The following KYAT1 variants were observed in gnomAD, a reference collection of about 807,000 sequenced individuals.
KYAT1 encodes kynurenine aminotransferase 1, also known as kynurenine--oxoglutarate transaminase 1.
KYAT1 carries 47 observed loss-of-function variants against 52.4 expected under a neutral mutation model. The ratio of observed to expected loss-of-function variants is 0.90; its 90% CI spans 0.71 to 1.14. KYAT1 has a LOEUF of 1.14. Ranked by LOEUF, KYAT1 falls within the 50% of genes most tolerant of loss-of-function variation. The pLI is 0.00. For missense variants in KYAT1, 480 were observed against 557.9 expected, an observed-to-expected ratio of 0.86 and a Z score of 1.41; for synonymous variants, 212 against 209.6, an observed-to-expected ratio of 1.01 and a Z score of -0.10.
At chr9:128,846,744 G>A (rs1447880175) in intron 1 of KYAT1, 1 of 1,535,562 alleles carries the variant, frequency 6.5e-7, no homozygotes, top group South Asian at 1.2e-5. Flanking sequence ...TTCAGCAGCA[G>A]GGACCTCACA....
intron 1 of KYAT1, among the ~76,000 whole-genome samples, chr9:128,865,379 T>TTG (rs1836225151): frequency 1.1e-5 from 1 of 93,472 alleles, no homozygotes; most frequent in African/African-American, 5.3e-5. Flanking sequence ...TTTTTTTTTT[T>TTG]GAGACAGAGT....
At chr9:128,837,560 G>A (rs1831339081) in intron 6 of KYAT1, 125 bp downstream of exon 6, 8 of 1,125,090 alleles carry the variant, frequency 7.1e-6, no homozygotes, top group Non-Finnish European at 9.0e-6. Flanking sequence ...GGTCCTCAGT[G>A]CTCATTGTGT....
chr9:128,836,086 G>C lies in KYAT1; in HGVS notation c.689-13C>G, dbSNP rs568891585. 13 of 1,612,770 alleles carry C rather than the reference G, an allele frequency of 8.1e-6. No individual in the cohort carries two copies. In the African/African-American group the frequency reaches 1.7e-4, roughly 22 times the overall value. ...CCAGGGAGGCTGGCTGCCCAAGGCC[G>C]AACAGAACAGCTGCTGAGACTGGGG... On this transcript the variant is annotated splice_polypyrimidine_tract_variant and intron_variant, in intron 7 of 12. Coordinates refer to ENST00000302586, the MANE Select transcript of KYAT1 (RefSeq NM_004059.5).
chr9:128,861,075 G>A (rs546121075), intron 1 of KYAT1, among the ~76,000 whole-genome samples: 1 of 152,234 alleles, frequency 6.6e-6, no homozygotes, highest in Non-Finnish European at 1.5e-5. Flanking sequence ...CTTGGTGCAA[G>A]GTTCTCACAA....
chr9:128,845,914 T>G (rs570368399), intron 1 of KYAT1, among the ~76,000 whole-genome samples: 1 of 151,988 alleles, frequency 6.6e-6, no homozygotes, highest in African/African-American at 2.4e-5. Flanking sequence ...AAACAGAAGG[T>G]GGAAAACAGA....
chr9:128,869,059 C>A (rs1427291316), intron 1 of KYAT1, among the ~76,000 whole-genome samples: 1 of 151,794 alleles, frequency 6.6e-6, no homozygotes, highest in African/African-American at 2.4e-5. Context: ...AGGCTGGTCT[C>A]AAATTTCTGG....
intron 1 of KYAT1, among the ~76,000 whole-genome samples, chr9:128,871,181 G>A (rs1012279738): frequency 2.6e-5 from 4 of 152,066 alleles, no homozygotes; most frequent in Non-Finnish European, 5.9e-5. Context: ...AGCTGGCCAC[G>A]GTGGTACGTG....
intron 3 of KYAT1, among the ~76,000 whole-genome samples, chr9:128,841,407 GCAGGAGAATGGCTTGAACC>G (rs775745745): frequency 1.4e-4 from 22 of 152,262 alleles, no homozygotes; most frequent in Middle Eastern, 3.4e-3. Flanking sequence ...AGAGGCTGAG[GCAGGAGAATGGCTTGAACC>G]CAGGAGGCGG....
intron 2 of KYAT1, among the ~76,000 whole-genome samples, chr9:128,843,137 A>G (rs1331232791): frequency 6.6e-6 from 1 of 152,254 alleles, no homozygotes; most frequent in Non-Finnish European, 1.5e-5. Context: ...ATTGCACTGC[A>G]GCCTGGATAA....
intron 1 of KYAT1, chr9:128,847,736 C>T (rs896400673): frequency 2.8e-5 from 14 of 508,764 alleles, no homozygotes; most frequent in South Asian, 1.3e-4. Flanking sequence ...CATGATTATC[C>T]GACTCCGTCC....
intron 1 of KYAT1, among the ~76,000 whole-genome samples, chr9:128,873,630 C>T (rs901002458): frequency 6.6e-6 from 1 of 151,850 alleles, no homozygotes; most frequent in Non-Finnish European, 1.5e-5. Context: ...AAAAAATTAG[C>T]TGGGTGTAGT....
At chr9:128,838,785 G>A (rs1325266557) in intron 3 of KYAT1, among the ~76,000 whole-genome samples, 1 of 152,130 alleles carries the variant, frequency 6.6e-6, no homozygotes, top group Non-Finnish European at 1.5e-5. Flanking sequence ...CCAGGGCGGG[G>A]ATTTAGCAGA....
intron 3 of KYAT1, chr9:128,840,481 C>T: frequency 1.1e-5 from 4 of 348,484 alleles, no homozygotes; most frequent in South Asian, 9.3e-5. Flanking sequence ...GAACTCCTGA[C>T]CTCAGGTGAT....
At chr9:128,860,993 G>T (rs374536347) in intron 1 of KYAT1, among the ~76,000 whole-genome samples, 115 of 152,178 alleles carry the variant, frequency 7.6e-4, no homozygotes, top group African/African-American at 2.8e-3. Flanking sequence ...GATAAAGTTT[G>T]AACTATTGTG....
chr9:128,865,079 A>T (rs1209791362), intron 1 of KYAT1, among the ~76,000 whole-genome samples: 1 of 149,114 alleles, frequency 6.7e-6, no homozygotes, highest in Admixed American at 6.7e-5. Flanking sequence ...ATAATAAATT[A>T]TCTGGGAGTG....
intron 1 of KYAT1, among the ~76,000 whole-genome samples, chr9:128,866,062 A>G (rs574579784): frequency 1.8e-4 from 27 of 152,280 alleles, no homozygotes; most frequent in African/African-American, 6.5e-4. Context: ...GTAAGTGTAC[A>G]TCTCCTCAGT....
intron 1 of KYAT1, among the ~76,000 whole-genome samples, chr9:128,878,184 G>A (rs1193514785): frequency 1.3e-5 from 2 of 151,890 alleles, no homozygotes; most frequent in Non-Finnish European, 2.9e-5. Flanking sequence ...GCCCAGGCTG[G>A]AGTGCAGTGG....
At chr9:128,864,879 G>A (rs927180670) in intron 1 of KYAT1, among the ~76,000 whole-genome samples, 2 of 151,854 alleles carry the variant, frequency 1.3e-5, no homozygotes, top group Non-Finnish European at 2.9e-5. Context: ...AAAGTGCTGG[G>A]ATTAGAGGTG....
chr9:128,857,760 C>T (rs1390566203), intron 1 of KYAT1, among the ~76,000 whole-genome samples: 5 of 152,124 alleles, frequency 3.3e-5, no homozygotes, highest in South Asian at 4.1e-4. Flanking sequence ...GGCGTGAACC[C>T]GGGAGGCGGA....
Sources: allele counts gnomAD v4.1 joint callset (sites outside exome capture counted in the v4.1 genomes callset), GRCh38; gene constraint gnomAD v4.1.1; transcripts MANE v1.5; gene names NCBI Gene and HGNC (gene_info 2026-07-23, HGNC 2026-07-21).